The following RABGAP1L variants were observed in gnomAD, a reference collection of about 807,000 sequenced individuals.
The protein encoded by RABGAP1L is rab GTPase-activating protein 1-like.
A neutral mutation model predicts 137.7 loss-of-function variants in RABGAP1L; 63 were observed. The ratio of observed to expected loss-of-function variants is 0.46; its 90% CI spans 0.37 to 0.56. The LOEUF is 0.56. Among genes scored for constraint, RABGAP1L ranks in the 20% least tolerant of loss-of-function variants. RABGAP1L has a pLI of 0.00. For missense variants in RABGAP1L, 1,095 were observed against 1,244.0 expected (o/e 0.88, Z 1.80); for synonymous variants, 431 against 433.7 (o/e 0.99, Z 0.08).
intron 11 of RABGAP1L, among the ~76,000 whole-genome samples, chr1:174,336,239 T>C (rs781330631): frequency 2.2e-4 from 33 of 152,124 alleles, no homozygotes; most frequent in Non-Finnish European, 4.6e-4. Context: ...AACCTCCTGC[T>C]TCAGCCTCCT....
intron 1 of RABGAP1L, among the ~76,000 whole-genome samples, chr1:174,176,741 A>AAAAAAAAAAAATAAAAAAAAAT (rs755688394): frequency 8.9e-6 from 1 of 111,778 alleles, no homozygotes; most frequent in Non-Finnish European, 1.8e-5. Flanking sequence ...AAAAAAAAAA[A>AAAAAAAAAAAATAAAAAAAAAT]AAAAAGGTCA....
rs112071020 is a variant in RABGAP1L at position 174,193,859 on chromosome 1, A to G, written c.-33-25266A>G. Among the ~76,000 whole-genome samples, 4 of 152,334 alleles carry G rather than the reference A, an allele frequency of 2.6e-5. No individual in the cohort carries two copies. The East Asian group carries it at 7.7e-4, about 29-fold the overall frequency. Reference sequence around the variant, plus strand: ...TAAAACATGATATTTTGATATACATATACATAGTTAAATGATTACTACAGT... The same window carrying G: ...TAAAACATGATATTTTGATATACATGTACATAGTTAAATGATTACTACAGT... On this transcript the variant is annotated intron_variant, in intron 1 of 25. Transcript: ENST00000681986.
intron 13 of RABGAP1L, among the ~76,000 whole-genome samples, chr1:174,487,461 T>G (rs1327857512): frequency 6.6e-6 from 1 of 152,204 alleles, no homozygotes; most frequent in Non-Finnish European, 1.5e-5. Flanking sequence ...TTTTTTGGTT[T>G]CCATTGGGAT....
Position 174,449,000 on chromosome 1 carries a change from A to G in RABGAP1L, c.1710+54855A>G, listed in dbSNP as rs148817523. ...AAGCTCCCGGGTCTTGGACAATCCA[A>G]CTCTGTCCTTCTTAACAACCTGGCT... On this transcript the variant is annotated intron_variant, in intron 13 of 25. Transcript: ENST00000681986. The surrounding 1 kb of genome is among the most constrained non-coding windows in gnomAD (Gnocchi z 4.2). 1.0e-4 allele frequency: 165 copies of G among 1,613,402 alleles called. 1 individual carries two copies. The East Asian group carries it at 3.6e-3, about 35-fold the overall frequency.
intron 18 of RABGAP1L, among the ~76,000 whole-genome samples, chr1:174,784,015 T>C (rs1217135327): frequency 1.0e-5 from 1 of 100,370 alleles, no homozygotes; most frequent in Non-Finnish European, 2.1e-5. Context: ...CTTCTTCTTT[T>C]TTTTTTTTTT....
chr1:174,879,437 G>T (rs1315894922), intron 19 of RABGAP1L, among the ~76,000 whole-genome samples: 3 of 151,698 alleles, frequency 2.0e-5, no homozygotes, highest in African/African-American at 4.9e-5. Flanking sequence ...ATTTCATCAT[G>T]TTGGCCAGGA....
chr1:174,811,831 G>T lies in RABGAP1L; in HGVS notation c.2212-1G>T. The T allele has an allele frequency of 6.4e-7, 1 of 1,556,070 alleles. No homozygotes were observed. The highest frequency in any genetic ancestry group is 1.3e-5 in the South Asian group (1 of 77,090). On this transcript the variant is annotated splice_acceptor_variant, in intron 18 of 25. Coordinates refer to ENST00000681986, the MANE Select transcript of RABGAP1L (RefSeq NM_001366446.1). LOFTEE classifies it high-confidence loss of function. Reference sequence around the variant, plus strand: ...GACGATTCTTGATGATTATTTTGCAGACCTCAAAGGAAGACCTTCTGCAGG... The same window carrying T: ...GACGATTCTTGATGATTATTTTGCATACCTCAAAGGAAGACCTTCTGCAGG...
intron 19 of RABGAP1L, among the ~76,000 whole-genome samples, chr1:174,905,244 A>G (rs1013018099): frequency 1.3e-5 from 2 of 152,224 alleles, no homozygotes; most frequent in Non-Finnish European, 2.9e-5. Flanking sequence ...CTTCAGTGCA[A>G]AAACCATGAC....
intron 19 of RABGAP1L, among the ~76,000 whole-genome samples, chr1:174,938,998 G>A (rs752496992): frequency 1.3e-5 from 2 of 152,158 alleles, no homozygotes; most frequent in Non-Finnish European, 2.9e-5. Context: ...CACAAAATAA[G>A]CTAATCTTAG....
chr1:174,560,156 CT>C (rs1557848942), intron 13 of RABGAP1L, among the ~76,000 whole-genome samples: 1 of 152,024 alleles, frequency 6.6e-6, no homozygotes, highest in South Asian at 2.1e-4. Context: ...AAAAAGTTTC[CT>C]TTTATGAAAG....
At chr1:174,420,833 C>G (rs1651189797) in intron 13 of RABGAP1L, among the ~76,000 whole-genome samples, 1 of 152,006 alleles carries the variant, frequency 6.6e-6, no homozygotes, top group Admixed American at 6.5e-5. Context: ...CGCCACCACG[C>G]CCGGCTAATT....
At chr1:174,432,329 T>C (rs182308084) in intron 13 of RABGAP1L, among the ~76,000 whole-genome samples, 327 of 152,306 alleles carry the variant, frequency 2.1e-3, no homozygotes, top group Non-Finnish European at 3.2e-3. Flanking sequence ...GTTGTCTGTG[T>C]ACCACATTTC....
At chr1:174,556,411 T>A (rs1666887154) in intron 13 of RABGAP1L, among the ~76,000 whole-genome samples, 1 of 152,202 alleles carries the variant, frequency 6.6e-6, no homozygotes, top group Non-Finnish European at 1.5e-5. Context: ...TAGAAATGCT[T>A]ATTTGGTGTT....
At chr1:174,168,996 T>C (rs1429821397) in intron 1 of RABGAP1L, among the ~76,000 whole-genome samples, 2 of 152,206 alleles carry the variant, frequency 1.3e-5, no homozygotes, top group Non-Finnish European at 2.9e-5. Context: ...TGTGTACCCA[T>C]TGTTTAGCTG....
At chr1:174,940,177 C>T (rs1665623221) in intron 19 of RABGAP1L, among the ~76,000 whole-genome samples, 1 of 152,122 alleles carries the variant, frequency 6.6e-6, no homozygotes, top group African/African-American at 2.4e-5. Flanking sequence ...TCACCTTTTT[C>T]ACAAAGTCCC....
intron 13 of RABGAP1L, among the ~76,000 whole-genome samples, chr1:174,534,963 A>T (rs544943885): frequency 2.0e-5 from 3 of 152,238 alleles, no homozygotes; most frequent in African/African-American, 7.2e-5. Flanking sequence ...CAATTAGTGT[A>T]TACAGTGTGG....
chr1:174,744,490 A>G (rs1054269525), intron 17 of RABGAP1L, among the ~76,000 whole-genome samples: 8 of 152,222 alleles, frequency 5.3e-5, no homozygotes, highest in Admixed American at 3.3e-4. Flanking sequence ...ATAACAAGCT[A>G]TACGAAAACT....
rs551922310 is a variant in RABGAP1L, at chr1:174,248,642, T to G, written c.718-1833T>G. 4.6e-5 allele frequency among the ~76,000 whole-genome samples: 7 copies of G among 152,250 alleles called. No homozygotes were observed. The South Asian group carries it at 1.5e-3, about 32-fold the overall frequency. On this transcript the variant is annotated intron_variant, in intron 5 of 25. Coordinates refer to ENST00000681986, the MANE Select transcript of RABGAP1L (RefSeq NM_001366446.1). The stretch of plus-strand genomic sequence containing the variant: ...TGGGTATAAATGTGGCATTCGGAAG[T>G]TTTTGAATGTGTTAGACTGTGTGTG...
At chr1:174,228,861 C>T (rs994647073) in intron 3 of RABGAP1L, among the ~76,000 whole-genome samples, 20 of 151,970 alleles carry the variant, frequency 1.3e-4, no homozygotes, top group Admixed American at 6.6e-4. Flanking sequence ...TAATTTTGTG[C>T]GGCATGAATG....
Sources: gnomAD v4.1 joint callset for allele counts (sites outside exome capture counted in the v4.1 genomes callset) on GRCh38, gnomAD v4.1.1 for gene constraint, Gnocchi (gnomAD v3.1) non-coding constraint, MANE v1.5 for transcripts, NCBI Gene and HGNC (gene_info 2026-07-23, HGNC 2026-07-21) for gene names.